The following NEK10 variants were observed in gnomAD, a reference collection of about 807,000 sequenced individuals.
NEK10 encodes the protein NIMA related kinase 10, also known as serine/threonine-protein kinase Nek10.
NEK10 carries 122 observed loss-of-function variants against 159.8 expected under a neutral mutation model. The ratio of observed to expected loss-of-function variants is 0.76; its 90% CI spans 0.66 to 0.89. NEK10 has a LOEUF of 0.89. Among genes scored for constraint, NEK10 ranks in the 40% least tolerant of loss-of-function variants. NEK10 has a pLI of 0.00. For synonymous variants in NEK10, 466 were observed against 457.1 expected, an observed-to-expected ratio of 1.02 and a Z score of -0.25; for missense variants, 1,342 against 1,323.1, an observed-to-expected ratio of 1.01 and a Z score of -0.22.
intron 13 of NEK10, among the ~76,000 whole-genome samples, chr3:27,300,464 T>C (rs1016733581): frequency 6.6e-6 from 1 of 152,098 alleles, no homozygotes; most frequent in Non-Finnish European, 1.5e-5. Context: ...GGTATGTCTT[T>C]AGCAGCAGCG....
At chr3:27,143,307 A>G (rs1943964636) in intron 30 of NEK10, 1 of 491,988 alleles carries the variant, frequency 2.0e-6, no homozygotes, top group Non-Finnish European at 3.6e-6. Context: ...TTTTTATACT[A>G]TGTTTCTGAT....
intron 3 of NEK10, among the ~76,000 whole-genome samples, chr3:27,349,693 C>A (rs2047830294): frequency 6.6e-6 from 1 of 152,086 alleles, no homozygotes; most frequent in African/African-American, 2.4e-5. Flanking sequence ...AATCTGAATT[C>A]CAGGTCTCAT....
chr3:27,305,038 T>C, intron 11 of NEK10, 67 bp from the exon 12 acceptor site: 1 of 946,538 alleles, frequency 1.1e-6, no homozygotes, highest in Non-Finnish European at 1.7e-6. Flanking sequence ...ACATTAAGAC[T>C]AAAGCTATCA....
chr3:27,278,343 A>G (rs1302144980), intron 22 of NEK10, among the ~76,000 whole-genome samples: 1 of 152,234 alleles, frequency 6.6e-6, no homozygotes, highest in Non-Finnish European at 1.5e-5. Context: ...GCTCACTTGT[A>G]GGATGTGTCA....
chr3:27,291,205 A>C, intron 18 of NEK10, 57 bp downstream of exon 18: 6 of 1,516,372 alleles, frequency 4.0e-6, no homozygotes, highest in Non-Finnish European at 5.4e-6. Flanking sequence ...TCGGTGTGCA[A>C]GTGTGACATC....
intron 13 of NEK10, among the ~76,000 whole-genome samples, chr3:27,298,473 C>A (rs1303419859): frequency 6.6e-6 from 1 of 152,202 alleles, no homozygotes; most frequent in African/African-American, 2.4e-5. Flanking sequence ...ATTGCCCAGT[C>A]TCAGGTATGT....
At chr3:27,204,478 G>A (rs1950350318) in intron 23 of NEK10, among the ~76,000 whole-genome samples, 1 of 89,518 alleles carries the variant, frequency 1.1e-5, no homozygotes, top group African/African-American at 4.6e-5. Flanking sequence ...CCCCACCACA[G>A]TCCCCAGAGT....
chr3:27,352,430 T>C (rs1457262600), intron 3 of NEK10, 35 bp downstream of exon 3: 46 of 1,463,452 alleles, frequency 3.1e-5, no homozygotes, highest in Non-Finnish European at 4.4e-5. Context: ...TGATTTTTCT[T>C]TTATTACCAA....
chr3:27,153,373 C>T (rs948705860), intron 30 of NEK10, among the ~76,000 whole-genome samples: 2 of 151,510 alleles, frequency 1.3e-5, no homozygotes, highest in Non-Finnish European at 2.9e-5. Flanking sequence ...TTCAGTACTC[C>T]ACTGACACAA....
In NEK10 at chr3:27,158,401, C is replaced by T. The variant is rs534610794; in HGVS notation, c.2869+4300G>A. Among the ~76,000 whole-genome samples, 151 of 152,188 alleles carry T rather than the reference C, an allele frequency of 9.9e-4. 2 individuals carry two copies. The highest frequency in any genetic ancestry group is 4.0e-3 in the East Asian group (21 of 5,192). On this transcript the variant is annotated intron_variant, in intron 30 of 35. Coordinates refer to ENST00000691995, the MANE Select transcript of NEK10 (RefSeq NM_001394966.1). ...TTAAGTACTTTATGTTAATAATTAA[C>T]TTGAAAGTAAACTACTAAAAGTTGT...
intron 1 of NEK10, among the ~76,000 whole-genome samples, chr3:27,357,908 T>C (rs2048425922): frequency 6.6e-6 from 1 of 152,096 alleles, no homozygotes; most frequent in African/African-American, 2.4e-5. Context: ...GCCAAGCAGT[T>C]AAAGCTCAAG....
chr3:27,307,242 T>A (rs1195960435), intron 11 of NEK10, among the ~76,000 whole-genome samples: 1 of 152,214 alleles, frequency 6.6e-6, no homozygotes, highest in Admixed American at 6.5e-5. Flanking sequence ...GAGTTAAGTG[T>A]CAGGGCTCCA....
intron 6 of NEK10, among the ~76,000 whole-genome samples, chr3:27,316,563 A>G (rs1301312230): frequency 6.6e-6 from 1 of 152,220 alleles, no homozygotes; most frequent in Non-Finnish European, 1.5e-5. Flanking sequence ...AGTTATTCAC[A>G]TGAAGGAGAT....
chr3:27,356,750 C>G (rs547726160), intron 1 of NEK10, among the ~76,000 whole-genome samples: 1 of 152,232 alleles, frequency 6.6e-6, no homozygotes, highest in South Asian at 2.1e-4. Context: ...GACATATTCA[C>G]CCCCACACAC....
intron 26 of NEK10, among the ~76,000 whole-genome samples, chr3:27,179,970 A>G (rs1201605333): frequency 3.3e-5 from 5 of 152,096 alleles, no homozygotes; most frequent in African/African-American, 1.2e-4. Context: ...AATCCCAGGT[A>G]CTCGCAAGGC....
rs147191294 is a variant in NEK10, at chr3:27,264,892, CTAAATAAATAAA to C, written c.2015-8533_2015-8522del. Among the ~76,000 whole-genome samples the C allele has an allele frequency of 2.4e-3, 354 of 144,796 alleles. 1 individual carries two copies. The highest frequency in any genetic ancestry group is 0.014 in the Middle Eastern group (4 of 290). 95.0% of individuals were successfully genotyped at this position (144,796 alleles called of 152,430 possible). A position where few individuals can be genotyped will look rare whatever the true frequency, so the allele number is the denominator to read the frequency against. ...CTGGGCAACATGAGCGAAAATCAGTCTAAATAAATAAATAAATAAATAAATAAATAAATAAAT... is the reference window on the plus strand; with the variant it reads ...CTGGGCAACATGAGCGAAAATCAGTCTAAATAAATAAATAAATAAATAAAT... On this transcript the variant is annotated intron_variant, in intron 22 of 35. Coordinates refer to ENST00000691995, the MANE Select transcript of NEK10 (RefSeq NM_001394966.1).
chr3:27,122,238 T>C (rs1941420899), intron 32 of NEK10, among the ~76,000 whole-genome samples: 1 of 152,116 alleles, frequency 6.6e-6, no homozygotes, highest in Non-Finnish European at 1.5e-5. Context: ...GCACTCATTG[T>C]CTCTCCTGCC....
At chr3:27,302,303 T>C (rs1055935171) in intron 12 of NEK10, among the ~76,000 whole-genome samples, 1 of 152,186 alleles carries the variant, frequency 6.6e-6, no homozygotes, top group Non-Finnish European at 1.5e-5. Context: ...ATTGGGCGTA[T>C]CTTTCATTTT....
rs35663067 is a variant in NEK10, at chr3:27,286,079, C to CTTTTTTTTTTT, written c.1790-1129_1790-1119dup. 7.1e-4 allele frequency among the ~76,000 whole-genome samples: 41 copies of CTTTTTTTTTTT among 57,708 alleles called. 5 individuals carry two copies. The highest frequency in any genetic ancestry group is 1.6e-3 in the African/African-American group (21 of 12,900). 37.9% of individuals were successfully genotyped at this position (57,708 alleles called of 152,430 possible). A position where few individuals can be genotyped will look rare whatever the true frequency, so the allele number is the denominator to read the frequency against. ...ATGTATTTTTAAGCCATTTCCAATT[C>CTTTTTTTTTTT]TTTTTTTTTTTTTTTTTTTTTTTTG... On this transcript the variant is annotated intron_variant, in intron 20 of 35. Transcript: ENST00000691995.
Sources: gnomAD v4.1 joint callset for allele counts (sites outside exome capture counted in the v4.1 genomes callset) on GRCh38, gnomAD v4.1.1 for gene constraint, MANE v1.5 for transcripts, NCBI Gene and HGNC (gene_info 2026-07-23, HGNC 2026-07-21) for gene names.